SLC22A12: variants seen among roughly 807,000 people sequenced by gnomAD.
The protein encoded by SLC22A12 is organic anion transporter 4-like protein.
A neutral mutation model predicts 52.7 loss-of-function variants in SLC22A12; 56 were observed. That is an observed-to-expected ratio of 1.06 (90% CI 0.86 to 1.33). The LOEUF (loss-of-function observed/expected upper bound fraction) is 1.33, where lower values mean the gene tolerates loss of function less well. SLC22A12 is among the 40% of genes most tolerant of loss of function. The probability of loss-of-function intolerance (pLI) is 0.00; values close to 1 mark genes in which losing one functional copy is unlikely to be tolerated. For missense variants in SLC22A12, 683 were observed against 741.5 expected, an observed-to-expected ratio of 0.92 and a Z score of 0.92; for synonymous variants, 337 against 324.6, an observed-to-expected ratio of 1.04 and a Z score of -0.41.
rs376297536 is a variant in SLC22A12, at chr11:64,593,733, G to C, written c.760G>C (p.Gly254Arg). The C allele has an allele frequency of 2.5e-6, 4 of 1,613,590 alleles. No individual in the cohort carries two copies. Among genetic ancestry groups the C allele is most frequent in the Non-Finnish European group, 3.4e-6 (4 of 1,180,034 alleles). The part of the protein sequence containing the change: ...GHGLTAAVAY[G>R]VRDWTLLQLV... ...TGGCCTGACAGCTGCAGTGGCCTACGGTGTGCGGGACTGGACACTGCTGCA... is the reference window on the plus strand; with the variant it reads ...TGGCCTGACAGCTGCAGTGGCCTACCGTGTGCGGGACTGGACACTGCTGCA... The change falls in exon 4 of 10, where the codon GGT becomes CGT. Residue 254 changes from glycine (G) to arginine (R), a missense_variant. Gly to Arg is a moderately radical substitution (Grantham distance 125). Coordinates refer to ENST00000377574, the MANE Select transcript of SLC22A12 (RefSeq NM_144585.4).
intron 5 of SLC22A12, 65 bp downstream of exon 5, chr11:64,598,704 C>T: frequency 6.3e-7 from 1 of 1,599,426 alleles, no homozygotes; most frequent in South Asian, 1.1e-5. Flanking sequence ...ATAGGGCACC[C>T]TGGGAGACCC....
At chr11:64,597,530 C>T (rs933724363) in intron 4 of SLC22A12, among the ~76,000 whole-genome samples, 1 of 152,190 alleles carries the variant, frequency 6.6e-6, no homozygotes, top group African/African-American at 2.4e-5. Flanking sequence ...CCTCACCATC[C>T]CCCCACCAAG....
intron 4 of SLC22A12, among the ~76,000 whole-genome samples, chr11:64,597,223 C>T (rs1409700748): frequency 6.6e-6 from 1 of 152,096 alleles, no homozygotes. Context: ...ATCTGGCCAC[C>T]ATCACTTGTG....
chr11:64,601,836 G>A lies in SLC22A12; in HGVS notation c.*285G>A. On this transcript the variant is annotated 3_prime_UTR_variant, in exon 10 of 10. Transcript: ENST00000377574. ...GTGGCTTCGGAGAGCAGAGGGGTCA[G>A]GCCCAGGGGAACGAGCTGGCCTTGC... The A allele has an allele frequency of 2.3e-6, 1 of 441,552 alleles. No homozygotes were observed. The highest frequency in any genetic ancestry group is 4.2e-6 in the Non-Finnish European group (1 of 237,376). The allele number at this position is 441,552 out of a possible 1,614,324, so 27.4% of individuals were successfully genotyped here.
chr11:64,602,174 C>A lies in SLC22A12; in HGVS notation c.*623C>A. ...AGGGGTCCAGGGCCAGCCTGAGATG[C>A]CCGTGAAACTCCTACCCACAGTTAC... is the stretch of plus-strand genomic sequence containing the variant. On this transcript the variant is annotated 3_prime_UTR_variant, in exon 10 of 10. Coordinates refer to ENST00000377574, the MANE Select transcript of SLC22A12 (RefSeq NM_144585.4). 5.8e-6 allele frequency: 1 copy of A among 173,232 alleles called. No homozygotes were observed. The highest frequency in any genetic ancestry group is 1.2e-5 in the Non-Finnish European group (1 of 80,242). 10.7% of individuals were successfully genotyped at this position (173,232 alleles called of 1,614,324 possible). A position where few individuals can be genotyped will look rare whatever the true frequency, so the allele number is the denominator to read the frequency against.
At position 64,591,931 on chromosome 11, in the gene SLC22A12, C is replaced by T; in HGVS notation, c.375C>T (p.Ser125=). 1.2e-6 allele frequency: 2 copies of T among 1,612,008 alleles called. No individual in the cohort carries two copies. ...PCVDGWVYDR[S]IFTSTIVAKW... ...TGGATGGCTGGGTCTATGACCGCAG[C>T]ATCTTCACCTCCACAATCGTGGCCA... The change falls in exon 1 of 10, where the codon AGC becomes AGT. Residue 125 remains serine, a synonymous_variant. Transcript: ENST00000377574.
Position 64,601,659 on chromosome 11 carries a change from C to A in SLC22A12, c.*108C>A. On this transcript the variant is annotated 3_prime_UTR_variant, in exon 10 of 10. Coordinates refer to ENST00000377574, the MANE Select transcript of SLC22A12 (RefSeq NM_144585.4). ...TCCATTTCCAGAGGCCCAGAGGCTGCCCTCTGAGGTCCCCACTCTCCCCCA... is the reference window on the plus strand; with the variant it reads ...TCCATTTCCAGAGGCCCAGAGGCTGACCTCTGAGGTCCCCACTCTCCCCCA... The A allele has an allele frequency of 8.0e-7, 1 of 1,246,438 alleles. No individual in the cohort carries two copies. The highest frequency in any genetic ancestry group is 1.1e-6 in the Non-Finnish European group (1 of 870,786). The allele number at this position is 1,246,438 out of a possible 1,614,324, so 77.2% of individuals were successfully genotyped here. A position where few individuals can be genotyped will look rare whatever the true frequency, so the allele number is the denominator to read the frequency against.
At position 64,592,860 on chromosome 11, in the gene SLC22A12, G is replaced by A; in HGVS notation, c.484G>A (p.Ala162Thr). Reference protein sequence around the residue: ...YLAGILVGAAACGPASDRFGR... With the variant: ...YLAGILVGAATCGPASDRFGR... ...GGCTGGGATTCTGGTGGGAGCTGCTGCGTGCGGCCCTGCCTCAGACAGGTG... is the reference window on the plus strand; with the variant it reads ...GGCTGGGATTCTGGTGGGAGCTGCTACGTGCGGCCCTGCCTCAGACAGGTG... Residue 162 changes from alanine to threonine, a missense_variant, in exon 2 of 10, where the codon GCG becomes ACG. Coordinates refer to ENST00000377574, the MANE Select transcript of SLC22A12 (RefSeq NM_144585.4). 14 of 1,613,902 alleles carry A rather than the reference G, an allele frequency of 8.7e-6. No individual in the cohort carries two copies. Among genetic ancestry groups the A allele is most frequent in the Non-Finnish European group, 1.2e-5 (14 of 1,180,018 alleles).
chr11:64,602,255 G>A lies in SLC22A12; in HGVS notation c.*704G>A, dbSNP rs1332213141. ...AGCCTATGAGTTCCCAGAGGGTTGG[G>A]GCAGTCCCATGACCCCATGTCCCAG... On this transcript the variant is annotated 3_prime_UTR_variant, in exon 10 of 10. Coordinates refer to ENST00000377574, the MANE Select transcript of SLC22A12 (RefSeq NM_144585.4). The A allele has an allele frequency of 6.1e-6, 1 of 163,560 alleles. No individual in the cohort carries two copies. Among genetic ancestry groups the A allele is most frequent in the Non-Finnish European group, 1.3e-5 (1 of 74,734 alleles). The allele number at this position is 163,560 out of a possible 1,614,324, so 10.1% of individuals were successfully genotyped here.
At chr11:64,595,589 G>A (rs565819453) in intron 4 of SLC22A12, among the ~76,000 whole-genome samples, 1 of 130,798 alleles carries the variant, frequency 7.6e-6, no homozygotes, top group African/African-American at 2.9e-5. Context: ...GGAATGGAAG[G>A]AGGGATGGAT....
At chr11:64,592,195 C>T (rs1249990449) in intron 1 of SLC22A12, among the ~76,000 whole-genome samples, 5 of 152,190 alleles carry the variant, frequency 3.3e-5, no homozygotes, top group Admixed American at 6.5e-5. Context: ...GCGGGCACCT[C>T]TAAATGCTGG....
chr11:64,599,429 C>T (rs1368096524), intron 6 of SLC22A12, among the ~76,000 whole-genome samples: 2 of 152,126 alleles, frequency 1.3e-5, no homozygotes, highest in Non-Finnish European at 2.9e-5. Context: ...TGCTTCTCCC[C>T]TCCTCCAACC....
intron 4 of SLC22A12, among the ~76,000 whole-genome samples, chr11:64,596,280 A>ATGGGATGGATGGATGGATGGATGGATGGT (rs2039231359): frequency 1.6e-5 from 1 of 60,898 alleles, no homozygotes; most frequent in African/African-American, 6.5e-5. Context: ...GGATGGATGG[A>ATGGGATGGATGGATGGATGGATGGATGGT]TGGATGGATG....
Position 64,599,901 on chromosome 11 carries a change from A to T in SLC22A12, c.1285+11A>T, listed in dbSNP as rs1443916071. On this transcript the variant is annotated intron_variant, in intron 7 of 9. Transcript: ENST00000377574. ...CGCTGGTGCCCCACGGTGAGGGGGC[A>T]AAGCTGTACACCAGAGACTTCCCTA... 3.7e-6 allele frequency: 6 copies of T among 1,611,008 alleles called. No homozygotes were observed. The Admixed American group carries it at 5.0e-5, about 13-fold the overall frequency.
intron 2 of SLC22A12, among the ~76,000 whole-genome samples, 164 bp from the exon 3 acceptor site, chr11:64,593,241 C>G (rs948965470): frequency 6.6e-6 from 1 of 152,252 alleles, no homozygotes; most frequent in Non-Finnish European, 1.5e-5. Context: ...TCCTTGTGCT[C>G]CGGAGGGTTC....
At chr11:64,592,651 C>T (rs558668334) in intron 1 of SLC22A12, 128 bp from the exon 2 acceptor site, 9 of 800,564 alleles carry the variant, frequency 1.1e-5, no homozygotes, top group South Asian at 5.4e-5. Context: ...GGGTCTTGCT[C>T]TAAAACCCTA....
Position 64,601,675 on chromosome 11 carries a change from C to G in SLC22A12, c.*124C>G, listed in dbSNP as rs1565143184. The stretch of plus-strand genomic sequence containing the variant: ...CAGAGGCTGCCCTCTGAGGTCCCCA[C>G]TCTCCCCCAGGGCTGCCCCTCCAGG... On this transcript the variant is annotated 3_prime_UTR_variant, in exon 10 of 10. Coordinates refer to ENST00000377574, the MANE Select transcript of SLC22A12 (RefSeq NM_144585.4). 7.3e-6 allele frequency: 8 copies of G among 1,096,564 alleles called. No homozygotes were observed. Among genetic ancestry groups the G allele is most frequent in the Non-Finnish European group, 1.1e-5 (8 of 738,700 alleles). 67.9% of individuals were successfully genotyped at this position (1,096,564 alleles called of 1,614,324 possible).
chr11:64,599,232 C>T (rs1272323327), intron 6 of SLC22A12, among the ~76,000 whole-genome samples: 2 of 152,182 alleles, frequency 1.3e-5, no homozygotes, highest in African/African-American at 4.8e-5. Flanking sequence ...CGCAAGCACC[C>T]CTGCCTGGTG....
chr11:64,593,223 C>T (rs1032223198), intron 2 of SLC22A12, among the ~76,000 whole-genome samples, 182 bp from the exon 3 acceptor site: 1 of 152,244 alleles, frequency 6.6e-6, no homozygotes. Context: ...GCTCTGGCCT[C>T]GGGACTCTCC....
Sources: gnomAD v4.1 joint callset for allele counts (sites outside exome capture counted in the v4.1 genomes callset) on GRCh38, gnomAD v4.1.1 for gene constraint, MANE v1.5 for transcripts, NCBI Gene and HGNC (gene_info 2026-07-23, HGNC 2026-07-21) for gene names.